Variants in GFI1B observed in about 807,000 individuals in gnomAD.
GFI1B encodes the protein zinc finger protein Gfi-1b.
In GFI1B, 20 loss-of-function variants were observed where a neutral mutation model predicts 35.3. The ratio of observed to expected loss-of-function variants is 0.57; its 90% CI spans 0.40 to 0.82. The LOEUF (loss-of-function observed/expected upper bound fraction) is 0.82. Among genes scored for constraint, GFI1B ranks in the 40% least tolerant of loss-of-function variants. The pLI, the probability that GFI1B is intolerant of heterozygous loss-of-function variation, is 0.00. For missense variants in GFI1B, 430 were observed against 446.3 expected (o/e 0.96, Z 0.33); for synonymous variants, 178 against 177.6 (o/e 1.00, Z -0.02).
rs889786977 is a variant in GFI1B at position 132,987,385 on chromosome 9, G to A, written c.204G>A (p.Gln68=). ...TNLKREPELE[Q]DQNLARMAPA... ...TCAAACGAGAGCCGGAGCTGGAGCA[G>A]GACCAGAACTTGGCCAGGATGGCCC... Residue 68 remains glutamine (Q), a synonymous_variant, in exon 3 of 7, where the codon CAG becomes CAA. Transcript: ENST00000372122. The A allele has an allele frequency of 1.2e-6, 2 of 1,614,266 alleles. No individual in the cohort carries two copies. Among genetic ancestry groups the A allele is most frequent in the African/African-American group, 2.7e-5 (2 of 75,078 alleles).
chr9:132,957,433 C>T (rs949416959), intron 1 of GFI1B, among the ~76,000 whole-genome samples: 2 of 152,240 alleles, frequency 1.3e-5, no homozygotes, highest in Middle Eastern at 3.4e-3. Context: ...AGTATGTAGT[C>T]GTTTATGTGT....
intron 1 of GFI1B, among the ~76,000 whole-genome samples, chr9:132,960,600 G>A (rs988919344): frequency 3.9e-5 from 6 of 151,928 alleles, no homozygotes; most frequent in South Asian, 2.1e-4. Flanking sequence ...GGGCTCAAGT[G>A]GTCCTCCCAA....
At chr9:132,970,831 A>T (rs908769263) in intron 1 of GFI1B, among the ~76,000 whole-genome samples, 2 of 152,126 alleles carry the variant, frequency 1.3e-5, no homozygotes, top group Non-Finnish European at 2.9e-5. Flanking sequence ...TAGGGAGAAC[A>T]CCAATGCGGA....
intron 1 of GFI1B, among the ~76,000 whole-genome samples, chr9:132,960,870 T>C (rs1848351186): frequency 6.6e-6 from 1 of 151,782 alleles, no homozygotes; most frequent in South Asian, 2.1e-4. Context: ...AAATCCCTGA[T>C]CACGCCTCTA....
At chr9:132,987,947 C>G (rs1849134868) in intron 3 of GFI1B, among the ~76,000 whole-genome samples, 1 of 152,104 alleles carries the variant, frequency 6.6e-6, no homozygotes, top group Non-Finnish European at 1.5e-5. Context: ...CAGGTTCAAG[C>G]AATTCTCCTG....
intron 2 of GFI1B, among the ~76,000 whole-genome samples, chr9:132,986,988 T>C (rs1295871191): frequency 1.3e-5 from 2 of 152,128 alleles, no homozygotes; most frequent in African/African-American, 4.8e-5. Flanking sequence ...GAGTGTCAGG[T>C]TGGAGCCAGT....
downstream of GFI1B, among the ~76,000 whole-genome samples, chr9:132,993,146 T>C (rs1224598679): frequency 6.6e-6 from 1 of 152,046 alleles, no homozygotes; most frequent in African/African-American, 2.4e-5. Flanking sequence ...ATACAAAAAT[T>C]AGCTGGGCAT....
chr9:132,988,176 C>T lies in GFI1B; in HGVS notation c.239-21C>T, dbSNP rs749061159. ...CCCTGTGTTTAAATGAGTAACCAGG[C>T]CTGTGTCGTTATCTCCACAGAGGGC... On this transcript the variant is annotated intron_variant, in intron 3 of 6. Coordinates refer to ENST00000372122, the MANE Select transcript of GFI1B (RefSeq NM_001377304.1). 6 of 1,610,778 alleles carry T rather than the reference C, an allele frequency of 3.7e-6. No homozygotes were observed. In the Admixed American group the frequency reaches 8.3e-5, roughly 22 times the overall value.
intron 1 of GFI1B, among the ~76,000 whole-genome samples, chr9:132,969,339 T>C (rs866056798): frequency 2.4e-4 from 37 of 152,300 alleles, no homozygotes; most frequent in African/African-American, 8.7e-4. Context: ...CCTGTCCCTA[T>C]TATTTTGACT....
upstream of GFI1B, among the ~76,000 whole-genome samples, chr9:132,977,983 C>A (rs193078731): frequency 7.2e-5 from 11 of 152,100 alleles, no homozygotes; most frequent in African/African-American, 2.4e-4. Context: ...AATTTGATGT[C>A]TCTTCTGAGA....
intron 1 of GFI1B, among the ~76,000 whole-genome samples, chr9:132,950,291 C>T (rs1848181455): frequency 6.6e-6 from 1 of 152,096 alleles, no homozygotes. Context: ...GTGATCTCCA[C>T]CAGGAAGTCT....
intron 1 of GFI1B, among the ~76,000 whole-genome samples, chr9:132,955,808 A>ATGTGTGTGTGTGTG (rs3049917): frequency 1.6e-4 from 24 of 146,552 alleles, no homozygotes; most frequent in Admixed American, 7.5e-4. Context: ...GTGTGTGTGC[A>ATGTGTGTGTGTGTG]TGTGTGTGTG....
At chr9:132,972,375 T>G (rs958214843) in intron 1 of GFI1B, among the ~76,000 whole-genome samples, 1 of 152,100 alleles carries the variant, frequency 6.6e-6, no homozygotes, top group African/African-American at 2.4e-5. Flanking sequence ...TGAGCCGAGA[T>G]TGCACCACTG....
chr9:132,958,986 A>T (rs1407118238), intron 1 of GFI1B, among the ~76,000 whole-genome samples: 1 of 152,084 alleles, frequency 6.6e-6, no homozygotes, highest in Non-Finnish European at 1.5e-5. Context: ...GCCTATTGGG[A>T]TCCTGGCTCT....
chr9:132,967,727 A>G (rs1360647429), intron 1 of GFI1B, among the ~76,000 whole-genome samples: 1 of 152,186 alleles, frequency 6.6e-6, no homozygotes, highest in African/African-American at 2.4e-5. Flanking sequence ...CATGATATCT[A>G]TTATATATAT....
chr9:132,963,372 C>T (rs1330517285), intron 1 of GFI1B, among the ~76,000 whole-genome samples: 1 of 151,994 alleles, frequency 6.6e-6, no homozygotes, highest in East Asian at 1.9e-4. Context: ...CCCAGCTACC[C>T]AGGAGGCGAA....
intron 1 of GFI1B, among the ~76,000 whole-genome samples, chr9:132,960,665 T>TTTTTTA (rs1414177151): frequency 3.3e-5 from 5 of 151,788 alleles, no homozygotes; most frequent in Non-Finnish European, 1.5e-5. Flanking sequence ...CCCGGATACT[T>TTTTTTA]TTTTTATTTT....
chr9:132,961,369 T>C (rs947744756), intron 1 of GFI1B, among the ~76,000 whole-genome samples: 6 of 150,234 alleles, frequency 4.0e-5, no homozygotes, highest in African/African-American at 4.9e-5. Flanking sequence ...GCCTCTCTAA[T>C]ATACACAGAA....
intron 1 of GFI1B, among the ~76,000 whole-genome samples, chr9:132,967,578 T>C (rs1418684722): frequency 6.6e-6 from 1 of 152,214 alleles, no homozygotes; most frequent in Non-Finnish European, 1.5e-5. Context: ...AAAATGTCCA[T>C]ATAGACTGGA....
Sources: allele counts gnomAD v4.1 joint callset (sites outside exome capture counted in the v4.1 genomes callset), GRCh38; gene constraint gnomAD v4.1.1; transcripts MANE v1.5; gene names NCBI Gene and HGNC (gene_info 2026-07-23, HGNC 2026-07-21).